Variants in CENPF observed in about 807,000 individuals in gnomAD.
The protein encoded by CENPF is AH antigen.
In CENPF, 214 loss-of-function variants were observed where a neutral mutation model predicts 307.3. The ratio of observed to expected loss-of-function variants is 0.70; its 90% CI spans 0.62 to 0.78. CENPF has a LOEUF of 0.78. Ranked by LOEUF, CENPF falls within the 30% of genes least tolerant of loss-of-function variation. The pLI is 0.00. For missense variants in CENPF, 3,401 were observed against 3,483.9 expected (o/e 0.98, Z 0.60); for synonymous variants, 1,259 against 1,270.6 (o/e 0.99, Z 0.19).
intron 5 of CENPF, 25 bp downstream of exon 5, chr1:214,619,245 T>G (rs1657441863): frequency 3.7e-6 from 4 of 1,078,996 alleles, no homozygotes; most frequent in Non-Finnish European, 5.6e-6. Flanking sequence ...GGCCCTATAA[T>G]AGAGTATGCA....
At position 214,663,595 on chromosome 1, in the gene CENPF, A is replaced by T; in HGVS notation, c.9146A>T (p.Lys3049Ile). The T allele has an allele frequency of 6.2e-7, 1 of 1,614,110 alleles. No homozygotes were observed. The highest frequency in any genetic ancestry group is 8.5e-7 in the Non-Finnish European group (1 of 1,180,002). The change falls in exon 20 of 20, where the codon AAA becomes ATA. Residue 3049 changes from lysine to isoleucine, a missense_variant. Lys to Ile is a moderately radical substitution (Grantham distance 102, BLOSUM62 -3). Coordinates refer to ENST00000366955, the MANE Select transcript of CENPF (RefSeq NM_016343.4). Reference protein sequence around the residue: ...TAGGSRSQKVKVAQRSPVDSG... With the variant: ...TAGGSRSQKVIVAQRSPVDSG... ...ACAGAGATGTTTGTGTTGCAGGTCA[A>T]AGTTGCTCAGCGGAGCCCAGTAGAT...
chr1:214,655,661 C>CATTAT (rs1225589635), intron 17 of CENPF, among the ~76,000 whole-genome samples: 4 of 152,032 alleles, frequency 2.6e-5, no homozygotes, highest in Admixed American at 2.6e-4. Context: ...GCAGTGGTGC[C>CATTAT]ATTATGGCTC....
rs770831022 is a variant in CENPF, at chr1:214,646,005, C to T, written c.6435C>T (p.Arg2145=). 16 of 1,613,802 alleles carry T rather than the reference C, an allele frequency of 9.9e-6. No individual in the cohort carries two copies. The highest frequency in any genetic ancestry group is 4.4e-5 in the South Asian group (4 of 91,068). Residue 2145 remains arginine (R), a synonymous_variant, in exon 13 of 20, where the codon CGC becomes CGT. Transcript: ENST00000366955. ...QLHIAEKLKE[R]ERENDSLKDK... ...ACATCGCAGAGAAACTGAAAGAACGCGAGCGGGAGAATGATTCACTTAAGG... is the reference window on the plus strand; with the variant it reads ...ACATCGCAGAGAAACTGAAAGAACGTGAGCGGGAGAATGATTCACTTAAGG...
chr1:214,617,414 A>C (rs1046164192), intron 3 of CENPF, among the ~76,000 whole-genome samples: 44 of 152,198 alleles, frequency 2.9e-4, no homozygotes, highest in Non-Finnish European at 4.6e-4. Context: ...ACCATTAGCC[A>C]TTCTAAAAGA....
chr1:214,645,722 A>C lies in CENPF; in HGVS notation c.6152A>C (p.Lys2051Thr). 1.2e-6 allele frequency: 2 copies of C among 1,614,230 alleles called. No individual in the cohort carries two copies. The highest frequency in any genetic ancestry group is 1.7e-6 in the Non-Finnish European group (2 of 1,180,040). The change falls in exon 13 of 20, where the codon AAA becomes ACA. Residue 2051 changes from lysine (K) to threonine (T), a missense_variant. By Grantham distance (78) the Lys-to-Thr change is moderately conservative. Coordinates refer to ENST00000366955, the MANE Select transcript of CENPF (RefSeq NM_016343.4). Reference sequence around the variant, plus strand: ...GACTCACAGGCACTGTCTTTGACAAAATGTGAGCTGGAAAACCAAATTGCA... The same window carrying C: ...GACTCACAGGCACTGTCTTTGACAACATGTGAGCTGGAAAACCAAATTGCA... ...EKDSQALSLT[K>T]CELENQIAQL...
intron 10 of CENPF, among the ~76,000 whole-genome samples, chr1:214,633,682 G>C (rs772767713): frequency 4.1e-4 from 63 of 152,314 alleles, no homozygotes; most frequent in Non-Finnish European, 3.5e-4. Flanking sequence ...TGTTAAATCA[G>C]CTAACCCCAA....
At chr1:214,637,119 A>C (rs1558180613) in intron 10 of CENPF, among the ~76,000 whole-genome samples, 1 of 152,234 alleles carries the variant, frequency 6.6e-6, no homozygotes. Context: ...AGATGCCCAA[A>C]GAACCTGTTT....
At chr1:214,615,446 G>A (rs1024749561) in intron 3 of CENPF, among the ~76,000 whole-genome samples, 3 of 151,992 alleles carry the variant, frequency 2.0e-5, no homozygotes, top group Non-Finnish European at 4.4e-5. Context: ...TAAAACTATC[G>A]ACAGCTGTTA....
chr1:214,639,935 C>A lies in CENPF; in HGVS notation c.1597C>A (p.Gln533Lys). Residue 533 changes from glutamine (Q) to lysine (K), a missense_variant, in exon 12 of 20, where the codon CAG becomes AAG. By Grantham distance (53) the Gln-to-Lys change is moderately conservative. Coordinates refer to ENST00000366955, the MANE Select transcript of CENPF (RefSeq NM_016343.4). ...TTTTTAAATAGCGAAGAATACCTCT[C>A]AGGAAACCATGTTAAGAGATCTTCA... ...AEEMKAKNTS[Q>K]ETMLRDLQEK... 1 of 1,530,284 alleles carries A rather than the reference C, an allele frequency of 6.5e-7. No homozygotes were observed. Among genetic ancestry groups the A allele is most frequent in the Non-Finnish European group, 8.7e-7 (1 of 1,147,548 alleles). 94.8% of individuals were successfully genotyped at this position (1,530,284 alleles called of 1,614,324 possible).
At chr1:214,647,891 C>T (rs939645481) in intron 13 of CENPF, 3 of 420,228 alleles carry the variant, frequency 7.1e-6, no homozygotes, top group Non-Finnish European at 1.5e-5. Context: ...CTCATGGCTT[C>T]TAGGGTGTGT....
At position 214,641,069 on chromosome 1, in the gene CENPF, A is replaced by G; in HGVS notation, c.2731A>G (p.Lys911Glu). The G allele has an allele frequency of 6.4e-7, 1 of 1,565,248 alleles. No homozygotes were observed. The highest frequency in any genetic ancestry group is 8.6e-7 in the Non-Finnish European group (1 of 1,164,898). ...CTTAAGTGCCCTTGAGAACAAGGAAAAAGAGCTGCAACTTTTAAATGATAA... is the reference window on the plus strand; with the variant it reads ...CTTAAGTGCCCTTGAGAACAAGGAAGAAGAGCTGCAACTTTTAAATGATAA... The part of the protein sequence containing the change: ...ETLSALENKE[K>E]ELQLLNDKVE... The change falls in exon 12 of 20, where the codon AAA becomes GAA. Residue 911 changes from lysine (K) to glutamate (E), a missense_variant. Transcript: ENST00000366955.
Position 214,652,926 on chromosome 1 carries a change from A to ATC in CENPF, c.8259_8260insTC (p.Glu2754SerfsTer8). On this transcript the variant is annotated frameshift_variant, in exon 16 of 20. Transcript: ENST00000366955. LOFTEE classifies it high-confidence loss of function. ...AGATAGACCTTTTAAAGTCTAGTAA[A>ATC]GAAGAGCTCAATAATTCATTGAAAG... 1 of 1,608,794 alleles carries ATC rather than the reference A, an allele frequency of 6.2e-7. No individual in the cohort carries two copies. Among genetic ancestry groups the ATC allele is most frequent in the Admixed American group, 1.7e-5 (1 of 58,924 alleles).
rs555522453 is a variant in CENPF at position 214,609,089 on chromosome 1, CGCGCCCCT to C, written c.-41-4623_-41-4616del. On this transcript the variant is annotated intron_variant, in intron 1 of 19. Coordinates refer to ENST00000366955, the MANE Select transcript of CENPF (RefSeq NM_016343.4). Reference sequence around the variant, plus strand: ...ACGCCGTGGGAAGCCCACCCCGGCCCGCGCCCCTGGGCCCCAGGGCCGCACTCCATGGC... The same window carrying C: ...ACGCCGTGGGAAGCCCACCCCGGCCCGGGCCCCAGGGCCGCACTCCATGGC... 2.5e-3 allele frequency among the ~76,000 whole-genome samples: 381 copies of C among 151,788 alleles called. 2 individuals are homozygous for C. Among genetic ancestry groups the C allele is most frequent in the African/African-American group, 8.8e-3 (364 of 41,470 alleles).
chr1:214,613,971 G>T, intron 2 of CENPF, 55 bp downstream of exon 2: 1 of 1,469,450 alleles, frequency 6.8e-7, no homozygotes, highest in East Asian at 2.4e-5. Context: ...ACAGAGAAGT[G>T]CTGGTATTTA....
Position 214,646,495 on chromosome 1 carries a change from C to G in CENPF, c.6925C>G (p.Arg2309Gly), listed in dbSNP as rs187123117. 1 of 1,613,914 alleles carries G rather than the reference C, an allele frequency of 6.2e-7. No individual in the cohort carries two copies. The highest frequency in any genetic ancestry group is 8.5e-7 in the Non-Finnish European group (1 of 1,180,000). Residue 2309 changes from arginine to glycine, a missense_variant, in exon 13 of 20, where the codon CGC becomes GGC. Physicochemically the swap from Arg to Gly is moderately radical, Grantham distance 125. Transcript: ENST00000366955. ...LRNSIEKLRA[R>G]LEADEKKQLC... ...AAATAGCATTGAAAAGCTGAGAGCC[C>G]GCCTAGAAGCTGATGAAAAGAAGCA...
chr1:214,635,236 A>G lies in CENPF; in HGVS notation c.1447-2630A>G, dbSNP rs12141259. Among the ~76,000 whole-genome samples the G allele has an allele frequency of 3.2e-3, 485 of 152,356 alleles. 1 individual carries two copies. Among genetic ancestry groups the G allele is most frequent in the Non-Finnish European group, 5.4e-3 (368 of 68,040 alleles). ...CTTTGCATCCATCCCTTATCCAAGT[A>G]TATAGGCTTCGCCCAGCAGGGGACG... On this transcript the variant is annotated intron_variant, in intron 10 of 19. Coordinates refer to ENST00000366955, the MANE Select transcript of CENPF (RefSeq NM_016343.4).
chr1:214,625,409 C>T (rs532006239), intron 7 of CENPF, among the ~76,000 whole-genome samples: 2 of 152,070 alleles, frequency 1.3e-5, no homozygotes, highest in East Asian at 1.9e-4. Context: ...TTAGTAGAGA[C>T]GGGGTTTCAC....
intron 1 of CENPF, among the ~76,000 whole-genome samples, chr1:214,612,429 CT>C (rs1338600430): frequency 6.6e-6 from 1 of 151,968 alleles, no homozygotes; most frequent in Non-Finnish European, 1.5e-5. Context: ...TTGAAGTTTT[CT>C]TTTTTTGTTG....
chr1:214,633,149 T>C (rs1657854784), intron 10 of CENPF, among the ~76,000 whole-genome samples: 1 of 152,226 alleles, frequency 6.6e-6, no homozygotes, highest in African/African-American at 2.4e-5. Flanking sequence ...GACTCTGGCT[T>C]CAAAAGTGGA....
Sources: allele counts gnomAD v4.1 joint callset (sites outside exome capture counted in the v4.1 genomes callset), GRCh38; gene constraint gnomAD v4.1.1; transcripts MANE v1.5; gene names NCBI Gene and HGNC (gene_info 2026-07-23, HGNC 2026-07-21).